The following MSLN variants were observed in gnomAD, a reference collection of about 807,000 sequenced individuals.
The protein encoded by MSLN is mesothelin.
A neutral mutation model predicts 72.6 loss-of-function variants in MSLN; 82 were observed. That is an observed-to-expected ratio of 1.13 (90% CI 0.94 to 1.36). The LOEUF is 1.36. Among genes scored for constraint, MSLN ranks in the 40% most tolerant of loss-of-function variants. The pLI is 0.00. For synonymous variants in MSLN, 456 were observed against 387.3 expected, an observed-to-expected ratio of 1.18 and a Z score of -2.08; for missense variants, 1,005 against 847.9, an observed-to-expected ratio of 1.19 and a Z score of -2.30.
rs915179493 is a variant in MSLN, at chr16:764,539, G to T, written c.301-108G>T. 15 of 959,642 alleles carry T rather than the reference G, an allele frequency of 1.6e-5. No homozygotes were observed. The African/African-American group carries it at 1.8e-4, about 11-fold the overall frequency. 59.4% of individuals were successfully genotyped at this position (959,642 alleles called of 1,614,324 possible). A position where few individuals can be genotyped will look rare whatever the true frequency, so the allele number is the denominator to read the frequency against. ...CAGAGATCCACTTCCACAGATTCTC[G>T]TGGCCAGGGCAGGGGTGTGTTGTGG... On this transcript the variant is annotated intron_variant, in intron 6 of 17. Transcript: ENST00000545450.
At position 763,200 on chromosome 16, in the gene MSLN, C is replaced by G. The variant is rs201914360; in HGVS notation, c.86-33C>G. ...TCAGGGCACAGCCCAGAGGCCCGCC[C>G]CCTCCCCCAAGCTGTCCCCTCTGCC... On this transcript the variant is annotated intron_variant, in intron 3 of 17. Transcript: ENST00000545450. The G allele has an allele frequency of 5.4e-6, 8 of 1,470,570 alleles. No individual in the cohort carries two copies. In the East Asian group the frequency reaches 2.0e-4, roughly 37 times the overall value. The allele number at this position is 1,470,570 out of a possible 1,614,324, so 91.1% of individuals were successfully genotyped here.
At chr16:768,252 CGAAGTCTGGA>C (rs2041666601) in intron 16 of MSLN, 117 bp from the exon 17 acceptor site, 1 of 969,528 alleles carries the variant, frequency 1.0e-6, no homozygotes, top group Non-Finnish European at 1.5e-6. Flanking sequence ...CGGAGACCTC[CGAAGTCTGGA>C]GAGGCTGCGG....
intron 13 of MSLN, 50 bp downstream of exon 13, chr16:766,540 G>A (rs376156235): frequency 1.9e-6 from 3 of 1,610,566 alleles, no homozygotes; most frequent in African/African-American, 2.7e-5. Flanking sequence ...GAAGGGCTGA[G>A]GGGCAGAGTG....
intron 8 of MSLN, 29 bp downstream of exon 8, chr16:765,065 G>C (rs775207428): frequency 1.2e-6 from 2 of 1,608,726 alleles, no homozygotes; most frequent in African/African-American, 2.7e-5. Context: ...GCGGGGCGGA[G>C]AGGGCTCGGC....
rs747503528 is a variant in MSLN, at chr16:766,982, G to C, written c.1471G>C (p.Glu491Gln). ...RLAFQNMNGS[E>Q]YFVKIQSFLG... ...TGCTTTCCAGAACATGAACGGGTCC[G>C]AATACTTCGTGAAGATCCAGTCCTT... Residue 491 changes from glutamate to glutamine, a missense_variant, in exon 15 of 18, where the codon GAA becomes CAA. Glu to Gln is a conservative substitution (Grantham distance 29). Coordinates refer to ENST00000545450, the MANE Select transcript of MSLN (RefSeq NM_005823.6). The C allele has an allele frequency of 3.7e-6, 6 of 1,612,620 alleles. No individual in the cohort carries two copies. The highest frequency in any genetic ancestry group is 1.1e-5 in the South Asian group (1 of 91,076).
In MSLN at chr16:767,483, G is replaced by A; in HGVS notation, c.1596+13G>A. On this transcript the variant is annotated intron_variant, in intron 16 of 17. Coordinates refer to ENST00000545450, the MANE Select transcript of MSLN (RefSeq NM_005823.6). Reference sequence around the variant, plus strand: ...GGATGCGGTGCTGGTATGGCGAGCGGGAGGAGGGGCGTGTGGAGGAGGGGC... The same window carrying A: ...GGATGCGGTGCTGGTATGGCGAGCGAGAGGAGGGGCGTGTGGAGGAGGGGC... The A allele has an allele frequency of 6.4e-7, 1 of 1,574,334 alleles. No homozygotes were observed. Among genetic ancestry groups the A allele is most frequent in the Non-Finnish European group, 8.6e-7 (1 of 1,165,086 alleles).
chr16:764,288 GCCACC>G, intron 6 of MSLN, 145 bp downstream of exon 6: 1 of 1,238,730 alleles, frequency 8.1e-7, no homozygotes, highest in Non-Finnish European at 1.1e-6. Flanking sequence ...AGTTCCTCTG[GCCACC>G]CAAGCTGACC....
chr16:762,853 C>A, intron 3 of MSLN, 88 bp downstream of exon 3: 1 of 1,146,260 alleles, frequency 8.7e-7, no homozygotes, highest in Non-Finnish European at 1.2e-6. Context: ...CCTGCCCCTG[C>A]CTTCTCCCTG....
chr16:763,307 G>T lies in MSLN; in HGVS notation c.129+31G>T, dbSNP rs139441651. 7.0e-4 allele frequency: 1,066 copies of T among 1,517,692 alleles called. 9 individuals are homozygous for T. The African/African-American group carries it at 0.013, about 18-fold the overall frequency. The allele number at this position is 1,517,692 out of a possible 1,614,324, so 94.0% of individuals were successfully genotyped here. A position where few individuals can be genotyped will look rare whatever the true frequency, so the allele number is the denominator to read the frequency against. On this transcript the variant is annotated intron_variant, in intron 4 of 17. Coordinates refer to ENST00000545450, the MANE Select transcript of MSLN (RefSeq NM_005823.6). Reference sequence around the variant, plus strand: ...GTCCCCTCTGGGGAAACAGGGGAGGGTCTTCAGGTCCCAGGTGGGGGTGCC... The same window carrying T: ...GTCCCCTCTGGGGAAACAGGGGAGGTTCTTCAGGTCCCAGGTGGGGGTGCC...
At position 766,983 on chromosome 16, in the gene MSLN, A is replaced by G. The variant is rs2151617211; in HGVS notation, c.1472A>G (p.Glu491Gly). Residue 491 changes from glutamate to glycine, a missense_variant, in exon 15 of 18, where the codon GAA (glutamate) becomes GGA (glycine). Coordinates refer to ENST00000545450, the MANE Select transcript of MSLN (RefSeq NM_005823.6). ...GCTTTCCAGAACATGAACGGGTCCG[A>G]ATACTTCGTGAAGATCCAGTCCTTC... The part of the protein sequence containing the change: ...RLAFQNMNGS[E>G]YFVKIQSFLG... The G allele has an allele frequency of 6.2e-7, 1 of 1,612,656 alleles. No individual in the cohort carries two copies. Among genetic ancestry groups the G allele is most frequent in the East Asian group, 2.2e-5 (1 of 44,868 alleles).
At chr16:764,764 G>A (rs2041582232) in intron 7 of MSLN, 38 bp downstream of exon 7, 1 of 1,285,562 alleles carries the variant, frequency 7.8e-7, no homozygotes, top group Admixed American at 1.7e-5. Flanking sequence ...CCCGGCTTTT[G>A]CCGCCAGCCC....
Position 762,655 on chromosome 16 carries a change from G to T in MSLN, c.-9-17G>T. Reference sequence around the variant, plus strand: ...GTGGGAGCAGGGGGTCCCATCCTGAGTCACTGCCCTCCACAGACACAGACC... The same window carrying T: ...GTGGGAGCAGGGGGTCCCATCCTGATTCACTGCCCTCCACAGACACAGACC... On this transcript the variant is annotated splice_polypyrimidine_tract_variant and intron_variant, in intron 2 of 17. Transcript: ENST00000545450. 1.9e-6 allele frequency: 3 copies of T among 1,597,468 alleles called. No individual in the cohort carries two copies. Among genetic ancestry groups the T allele is most frequent in the Non-Finnish European group, 2.6e-6 (3 of 1,166,260 alleles).
At chr16:768,120 C>T (rs1436929742) in intron 16 of MSLN, among the ~76,000 whole-genome samples, 1 of 112,292 alleles carries the variant, frequency 8.9e-6, no homozygotes, top group African/African-American at 3.4e-5. Context: ...GGAGGAGGGG[C>T]CAACGGGGGG....
In MSLN at chr16:765,618, G is replaced by T; in HGVS notation, c.795+1G>T. On this transcript the variant is annotated splice_donor_variant, in intron 10 of 17. Coordinates refer to ENST00000545450, the MANE Select transcript of MSLN (RefSeq NM_005823.6). LOFTEE classifies it high-confidence loss of function. ...GCCCATCATCCGCAGCATCCCGCAG[G>T]TGAGACCCCAATCCCCAGCCCGTGG... 1 of 1,602,424 alleles carries T rather than the reference G, an allele frequency of 6.2e-7. No homozygotes were observed.
chr16:768,596 G>A, intron 17 of MSLN, 31 bp downstream of exon 17: 3 of 1,610,326 alleles, frequency 1.9e-6, no homozygotes, highest in East Asian at 2.2e-5. Context: ...AGGGCTGGGG[G>A]CAGAGCTGGG....
At chr16:765,987 T>A in intron 11 of MSLN, 72 bp from the exon 12 acceptor site, 1 of 1,482,748 alleles carries the variant, frequency 6.7e-7, no homozygotes, top group Non-Finnish European at 9.1e-7. Flanking sequence ...AGGTCTCATC[T>A]CACAGGAGGT....
chr16:763,574 G>A (rs766511335), intron 4 of MSLN, 68 bp from the exon 5 acceptor site: 23 of 1,478,548 alleles, frequency 1.6e-5, no homozygotes, highest in Admixed American at 1.5e-4. Context: ...CCCAGGGGTA[G>A]CGGGACCTGG....
At position 767,394 on chromosome 16, in the gene MSLN, A is replaced by G; in HGVS notation, c.1520A>G (p.Asp507Gly). 1 of 1,607,572 alleles carries G rather than the reference A, an allele frequency of 6.2e-7. No homozygotes were observed. Among genetic ancestry groups the G allele is most frequent in the Non-Finnish European group, 8.5e-7 (1 of 1,177,656 alleles). Reference sequence around the variant, plus strand: ...CGGGCAGGTGGGGCCCCCACGGAGGATTTGAAGGCGCTCAGTCAGCAGAAT... The same window carrying G: ...CGGGCAGGTGGGGCCCCCACGGAGGGTTTGAAGGCGCTCAGTCAGCAGAAT... ...QSFLGGAPTE[D>G]LKALSQQNVS... is the part of the protein sequence containing the mutation. Residue 507 changes from aspartate (D) to glycine (G), a missense_variant, in exon 16 of 18, where the codon GAT becomes GGT. Transcript: ENST00000545450.
chr16:768,276 G>C (rs2041667122), intron 16 of MSLN, 103 bp from the exon 17 acceptor site: 13 of 1,210,154 alleles, frequency 1.1e-5, no homozygotes, highest in South Asian at 1.8e-5. Context: ...GCTGCGGTGG[G>C]CATCTGTGGG....
Sources: gnomAD v4.1 joint callset for allele counts (sites outside exome capture counted in the v4.1 genomes callset) on GRCh38, gnomAD v4.1.1 for gene constraint, MANE v1.5 for transcripts, NCBI Gene and HGNC (gene_info 2026-07-23, HGNC 2026-07-21) for gene names.